Variants in MTMR7 observed in about 807,000 individuals in gnomAD.
MTMR7 encodes the protein phosphatidylinositol-3-phosphate phosphatase MTMR7.
A neutral mutation model predicts 81.2 loss-of-function variants in MTMR7; 76 were observed. The observed-to-expected ratio is 0.94, with a 90% confidence interval of 0.78 to 1.13. The LOEUF is 1.13. Ranked by LOEUF, MTMR7 falls within the 50% of genes most tolerant of loss-of-function variation. The probability of loss-of-function intolerance (pLI) is 0.00; values close to 1 mark genes in which losing one functional copy is unlikely to be tolerated. For synonymous variants in MTMR7, 372 were observed against 289.8 expected (o/e 1.28, Z -2.88); for missense variants, 1,044 against 820.0 (o/e 1.27, Z -3.34).
At chr8:17,389,068 T>G (rs924424935) in intron 1 of MTMR7, among the ~76,000 whole-genome samples, 7 of 152,168 alleles carry the variant, frequency 4.6e-5, no homozygotes, top group Non-Finnish European at 7.3e-5. Flanking sequence ...CCTGCCACAG[T>G]GCACTCTGAG....
At chr8:17,308,021 A>G (rs1024256442) in intron 10 of MTMR7, among the ~76,000 whole-genome samples, 5 of 150,838 alleles carry the variant, frequency 3.3e-5, no homozygotes, top group African/African-American at 4.9e-5. Flanking sequence ...CATGTACCCT[A>G]AAACAAAGTA....
intron 7 of MTMR7, among the ~76,000 whole-genome samples, chr8:17,319,252 TG>T (rs1818263682): frequency 6.6e-6 from 1 of 152,158 alleles, no homozygotes; most frequent in South Asian, 2.1e-4. Flanking sequence ...AAATATAAAA[TG>T]GGGATAAAAA....
rs116088837 is a variant in MTMR7 at position 17,390,801 on chromosome 8, C to T, written c.25-17561G>A. Among the ~76,000 whole-genome samples the T allele has an allele frequency of 4.2e-3, 640 of 152,284 alleles. 7 individuals carry two copies. Among genetic ancestry groups the T allele is most frequent in the African/African-American group, 0.014 (596 of 41,568 alleles). On this transcript the variant is annotated intron_variant, in intron 1 of 13. Transcript: ENST00000180173. ...GAAGAGCCCCTTATGAAATCATCAG[C>T]TCTCATGAGAACTCACTACCGCTTA...
rs1335971183 is a variant in MTMR7, at chr8:17,397,811, C to T, written c.24+15458G>A. Among the ~76,000 whole-genome samples the T allele has an allele frequency of 2.6e-5, 4 of 152,136 alleles. No homozygotes were observed. The South Asian group carries it at 6.2e-4, about 24-fold the overall frequency. On this transcript the variant is annotated intron_variant, in intron 1 of 13. Coordinates refer to ENST00000180173, the MANE Select transcript of MTMR7 (RefSeq NM_004686.5). ...CTTCAAGTCTGACCCAGTGTAGTCC[C>T]AGTGGTGGTGGCCACAGGGGTACTT...
chr8:17,369,830 A>G (rs2150563972), intron 3 of MTMR7, among the ~76,000 whole-genome samples: 1 of 151,798 alleles, frequency 6.6e-6, no homozygotes, highest in South Asian at 2.1e-4. Context: ...TATTTTTAGT[A>G]GAGACGGGGT....
At chr8:17,365,855 C>T (rs185812074) in intron 3 of MTMR7, among the ~76,000 whole-genome samples, 1 of 152,262 alleles carries the variant, frequency 6.6e-6, no homozygotes, top group African/African-American at 2.4e-5. Context: ...TAAAATACTA[C>T]ACGAAATTAA....
chr8:17,353,381 C>T (rs1051982946), intron 4 of MTMR7, among the ~76,000 whole-genome samples: 1 of 152,122 alleles, frequency 6.6e-6, no homozygotes, highest in African/African-American at 2.4e-5. Flanking sequence ...TGTCAATCTA[C>T]TTAACACTCC....
intron 1 of MTMR7, among the ~76,000 whole-genome samples, chr8:17,408,618 A>G: frequency 6.6e-6 from 1 of 152,112 alleles, no homozygotes; most frequent in East Asian, 1.9e-4. Context: ...CTTGGATAAG[A>G]CAATGAATGA....
intron 1 of MTMR7, 124 bp from the exon 2 acceptor site, chr8:17,373,364 T>A: frequency 8.2e-7 from 1 of 1,212,834 alleles, no homozygotes. Flanking sequence ...CCCCCAATAA[T>A]AAAAACCAAA....
intron 6 of MTMR7, among the ~76,000 whole-genome samples, chr8:17,340,038 G>T (rs558079900): frequency 7.2e-5 from 11 of 152,214 alleles, no homozygotes; most frequent in African/African-American, 2.4e-4. Context: ...CGCAACCTCC[G>T]CCTCCCGTGT....
At chr8:17,375,043 C>A (rs567141044) in intron 1 of MTMR7, among the ~76,000 whole-genome samples, 13 of 149,674 alleles carry the variant, frequency 8.7e-5, no homozygotes, top group African/African-American at 2.9e-4. Flanking sequence ...GAGCCGAGAT[C>A]GCACCACTGC....
At chr8:17,364,838 C>T (rs1311099851) in intron 3 of MTMR7, among the ~76,000 whole-genome samples, 2 of 152,216 alleles carry the variant, frequency 1.3e-5, no homozygotes, top group African/African-American at 4.8e-5. Flanking sequence ...TAAGTTGATT[C>T]CACAACGTGG....
chr8:17,303,760 C>T (rs1441613556), intron 12 of MTMR7, among the ~76,000 whole-genome samples: 1 of 152,156 alleles, frequency 6.6e-6, no homozygotes, highest in African/African-American at 2.4e-5. Flanking sequence ...CAGGCGCTCA[C>T]CACCATGCCC....
intron 1 of MTMR7, among the ~76,000 whole-genome samples, chr8:17,397,614 C>A (rs1029550825): frequency 2.0e-5 from 3 of 152,194 alleles, no homozygotes; most frequent in African/African-American, 7.2e-5. Flanking sequence ...TCCCAGACAA[C>A]ATCTCTGGAC....
intron 7 of MTMR7, among the ~76,000 whole-genome samples, chr8:17,319,583 A>T (rs763041159): frequency 1.3e-5 from 2 of 152,232 alleles, no homozygotes; most frequent in Non-Finnish European, 2.9e-5. Flanking sequence ...AGTGACACTT[A>T]CATACCAGGT....
At chr8:17,358,082 C>A (rs1260659542) in intron 4 of MTMR7, among the ~76,000 whole-genome samples, 4 of 148,534 alleles carry the variant, frequency 2.7e-5, no homozygotes, top group African/African-American at 1.0e-4. Context: ...ACAAAACATA[C>A]AATACAAGAT....
At chr8:17,305,317 C>T (rs919164116) in intron 11 of MTMR7, among the ~76,000 whole-genome samples, 4 of 152,184 alleles carry the variant, frequency 2.6e-5, no homozygotes, top group Non-Finnish European at 5.9e-5. Flanking sequence ...TTAAAGTCCA[C>T]AATTTATCTA....
chr8:17,364,001 G>T (rs1196033334), intron 3 of MTMR7, among the ~76,000 whole-genome samples: 1 of 147,170 alleles, frequency 6.8e-6, no homozygotes, highest in East Asian at 2.0e-4. Context: ...TATATTTCTG[G>T]GGTAAAAAGT....
intron 1 of MTMR7, among the ~76,000 whole-genome samples, chr8:17,392,214 G>C (rs566106080): frequency 6.6e-6 from 1 of 152,158 alleles, no homozygotes; most frequent in Non-Finnish European, 1.5e-5. Flanking sequence ...ATGTACATCT[G>C]TGAAAACAAG....
Sources: allele counts gnomAD v4.1 joint callset (sites outside exome capture counted in the v4.1 genomes callset), GRCh38; gene constraint gnomAD v4.1.1; transcripts MANE v1.5; gene names NCBI Gene and HGNC (gene_info 2026-07-23, HGNC 2026-07-21).